The following SYN2 variants were observed in gnomAD, a reference collection of about 807,000 sequenced individuals.
SYN2 encodes the protein synapsin-2.
In SYN2, 19 loss-of-function variants were observed where a neutral mutation model predicts 50.9. That is an observed-to-expected ratio of 0.37 (90% CI 0.26 to 0.55). The LOEUF is 0.55. SYN2 is among the 20% of genes least tolerant of loss of function. The probability of loss-of-function intolerance (pLI) is 0.81; values close to 1 mark genes in which losing one functional copy is unlikely to be tolerated. For missense variants in SYN2, 587 were observed against 576.4 expected, an observed-to-expected ratio of 1.02 and a Z score of -0.19; for synonymous variants, 255 against 224.9, an observed-to-expected ratio of 1.13 and a Z score of -1.20.
At chr3:12,111,699 C>G (rs886113956) in intron 1 of SYN2, among the ~76,000 whole-genome samples, 4 of 152,194 alleles carry the variant, frequency 2.6e-5, no homozygotes, top group African/African-American at 9.6e-5. Flanking sequence ...ATATTACCCA[C>G]TCTACTGGCT....
chr3:12,159,502 T>TG (rs1559446674), intron 5 of SYN2, among the ~76,000 whole-genome samples: 2 of 152,052 alleles, frequency 1.3e-5, no homozygotes, highest in East Asian at 3.9e-4. Flanking sequence ...CTCTGTTGCC[T>TG]GGGGGGTGGG....
chr3:12,006,037 A>G (rs561611039), intron 1 of SYN2, among the ~76,000 whole-genome samples: 19 of 150,678 alleles, frequency 1.3e-4, no homozygotes, highest in Non-Finnish European at 2.2e-4. Flanking sequence ...TGGAGACTGG[A>G]CCTGAGTGTT....
intron 1 of SYN2, among the ~76,000 whole-genome samples, chr3:12,134,528 T>G (rs1696856342): frequency 6.6e-6 from 1 of 152,252 alleles, no homozygotes; most frequent in African/African-American, 2.4e-5. Context: ...TCCTACTCAT[T>G]CTTTAAGACT....
intron 1 of SYN2, among the ~76,000 whole-genome samples, chr3:12,043,808 C>G (rs1348390973): frequency 2.0e-5 from 3 of 152,186 alleles, no homozygotes; most frequent in Admixed American, 2.0e-4. Flanking sequence ...GTACCTATTT[C>G]TCACCTACTA....
chr3:12,165,894 GA>G (rs1480070116), intron 7 of SYN2, among the ~76,000 whole-genome samples: 1 of 151,058 alleles, frequency 6.6e-6, no homozygotes, highest in African/African-American at 2.4e-5. Context: ...ATCATGTGAG[GA>G]AACCAGGATT....
chr3:12,117,852 T>TC (rs1238983325), intron 1 of SYN2, among the ~76,000 whole-genome samples: 3 of 152,158 alleles, frequency 2.0e-5, no homozygotes, highest in African/African-American at 7.2e-5. Context: ...GGAAACAGAT[T>TC]CCCATATCTT....
chr3:12,085,369 A>ACGCACGCACGCACG lies in SYN2; in HGVS notation c.378-55281_378-55280insGCACGCACGCACGC, dbSNP rs1302420459. On this transcript the variant is annotated intron_variant, in intron 1 of 12. Transcript: ENST00000621198. ...TTATGGAATACACACACACACACAC[A>ACGCACGCACGCACG]CACACACACACGCACGCACGCACGC... 1.2e-3 allele frequency among the ~76,000 whole-genome samples: 174 copies of ACGCACGCACGCACG among 149,954 alleles called. 3 individuals carry two copies. Among genetic ancestry groups the ACGCACGCACGCACG allele is most frequent in the Middle Eastern group, 0.01 (3 of 288 alleles).
chr3:12,150,296 A>T (rs756336168), intron 4 of SYN2, among the ~76,000 whole-genome samples: 2 of 152,208 alleles, frequency 1.3e-5, no homozygotes, highest in African/African-American at 2.4e-5. Flanking sequence ...GTAGGTGTGT[A>T]TGTGACTGGA....
intron 1 of SYN2, among the ~76,000 whole-genome samples, chr3:12,026,177 T>G (rs2125138479): frequency 6.6e-6 from 1 of 152,332 alleles, no homozygotes; most frequent in South Asian, 2.1e-4. Context: ...GGAAATACTT[T>G]GGATCCTCTG....
At chr3:12,061,389 T>C (rs969811118) in intron 1 of SYN2, among the ~76,000 whole-genome samples, 7 of 152,104 alleles carry the variant, frequency 4.6e-5, no homozygotes, top group Admixed American at 1.3e-4. Flanking sequence ...AAACTAGGCA[T>C]AAAGGTGAAT....
intron 1 of SYN2, chr3:12,070,320 C>A: frequency 2.0e-6 from 1 of 504,978 alleles, no homozygotes; most frequent in Non-Finnish European, 4.0e-6. Context: ...CCGTGTTCCC[C>A]TCCATCCTTA....
intron 1 of SYN2, among the ~76,000 whole-genome samples, chr3:12,050,092 G>C (rs1419324146): frequency 2.6e-5 from 4 of 151,838 alleles, no homozygotes; most frequent in African/African-American, 7.3e-5. Context: ...GTAAAGACAG[G>C]GTTTCACTAT....
intron 5 of SYN2, among the ~76,000 whole-genome samples, chr3:12,160,548 A>T (rs1292651654): frequency 6.6e-6 from 1 of 152,246 alleles, no homozygotes; most frequent in Non-Finnish European, 1.5e-5. Context: ...TGACTGAAAG[A>T]TGAAATGCCC....
intron 1 of SYN2, among the ~76,000 whole-genome samples, chr3:12,073,108 A>G (rs192543001): frequency 1.3e-5 from 2 of 152,300 alleles, no homozygotes; most frequent in East Asian, 1.9e-4. Flanking sequence ...TACAGTTTCA[A>G]TGTGGAGTGG....
At chr3:12,167,414 C>A in intron 8 of SYN2, 106 bp downstream of exon 8, 1 of 1,200,288 alleles carries the variant, frequency 8.3e-7, no homozygotes, top group Non-Finnish European at 1.2e-6. Flanking sequence ...ATGGAGCAAA[C>A]CGGACAGATA....
intron 1 of SYN2, among the ~76,000 whole-genome samples, chr3:12,080,508 T>C (rs971279170): frequency 6.6e-6 from 1 of 152,212 alleles, no homozygotes; most frequent in African/African-American, 2.4e-5. Context: ...TGTCACTTTG[T>C]TCTCGTTGGC....
chr3:12,012,203 C>T (rs1333726882), intron 1 of SYN2, among the ~76,000 whole-genome samples: 1 of 151,742 alleles, frequency 6.6e-6, no homozygotes, highest in Non-Finnish European at 1.5e-5. Flanking sequence ...ATTAACTCAG[C>T]TATATTTAAT....
At chr3:12,128,385 C>G (rs1284717114) in intron 1 of SYN2, among the ~76,000 whole-genome samples, 1 of 152,108 alleles carries the variant, frequency 6.6e-6, no homozygotes, top group Non-Finnish European at 1.5e-5. Flanking sequence ...GGAGAGTTAC[C>G]TTTCTTGCTC....
At chr3:12,154,861 C>G (rs547128935) in intron 5 of SYN2, among the ~76,000 whole-genome samples, 152 of 76,872 alleles carry the variant, frequency 2.0e-3, no homozygotes, top group Middle Eastern at 8.9e-3. Context: ...TATAAAGTTC[C>G]CAGCACAGTT....
Sources: gnomAD v4.1 joint callset for allele counts (sites outside exome capture counted in the v4.1 genomes callset) on GRCh38, gnomAD v4.1.1 for gene constraint, MANE v1.5 for transcripts, NCBI Gene and HGNC (gene_info 2026-07-23, HGNC 2026-07-21) for gene names.